Variants in TRIM2 observed in about 807,000 individuals in gnomAD.
TRIM2 encodes tripartite motif containing 2, also known as tripartite motif-containing protein 2.
TRIM2 carries 20 observed loss-of-function variants against 75.2 expected under a neutral mutation model. The ratio of observed to expected loss-of-function variants is 0.27; its 90% CI spans 0.19 to 0.39. The LOEUF is 0.39. TRIM2 is among the 10% of genes least tolerant of loss of function. The pLI, the probability that TRIM2 is intolerant of heterozygous loss-of-function variation, is 1.00. For synonymous variants in TRIM2, 373 were observed against 388.3 expected (o/e 0.96, Z 0.46); for missense variants, 660 against 990.8 (o/e 0.67, Z 4.48).
intron 1 of TRIM2, among the ~76,000 whole-genome samples, chr4:153,266,737 G>A (rs1181568447): frequency 6.7e-6 from 1 of 149,660 alleles, no homozygotes; most frequent in Non-Finnish European, 1.5e-5. Context: ...CTGTTCACCC[G>A]AACTCCCAAA....
At chr4:153,273,559 C>T (rs1350707866) in intron 2 of TRIM2, among the ~76,000 whole-genome samples, 1 of 150,154 alleles carries the variant, frequency 6.7e-6, no homozygotes, top group African/African-American at 2.5e-5. Flanking sequence ...TCCCAGAGTG[C>T]TGGCATTACA....
At chr4:153,256,261 G>A (rs1752043733) in intron 1 of TRIM2, among the ~76,000 whole-genome samples, 1 of 152,196 alleles carries the variant, frequency 6.6e-6, no homozygotes, top group African/African-American at 2.4e-5. Flanking sequence ...CAATTTTGCT[G>A]TATTCTCTGT....
intron 1 of TRIM2, among the ~76,000 whole-genome samples, chr4:153,244,599 T>G (rs1191158187): frequency 6.6e-6 from 1 of 151,586 alleles, no homozygotes; most frequent in Non-Finnish European, 1.5e-5. Flanking sequence ...ATTTGATTCT[T>G]GGAATGGATT....
chr4:153,244,421 T>C (rs141780126), intron 1 of TRIM2, among the ~76,000 whole-genome samples: 4,751 of 88,100 alleles, frequency 0.054, 276 homozygotes, highest in Middle Eastern at 0.075. Flanking sequence ...CTTCTTCTTC[T>C]TCTTCTTCTT....
At chr4:153,223,794 GA>G (rs1462560827) in intron 1 of TRIM2, among the ~76,000 whole-genome samples, 1 of 152,172 alleles carries the variant, frequency 6.6e-6, no homozygotes, top group Non-Finnish European at 1.5e-5. Context: ...TTAATTTATG[GA>G]ACAGAGACAG....
intron 3 of TRIM2, among the ~76,000 whole-genome samples, chr4:153,279,942 CAAAA>C (rs3048123): frequency 5.8e-5 from 6 of 104,172 alleles, no homozygotes; most frequent in Non-Finnish European, 6.3e-5. Flanking sequence ...GACTCTGTCT[CAAAA>C]AAAAAAAAAA....
chr4:153,226,382 G>T (rs886612598), intron 1 of TRIM2, among the ~76,000 whole-genome samples: 1 of 152,208 alleles, frequency 6.6e-6, no homozygotes, highest in Non-Finnish European at 1.5e-5. Flanking sequence ...GTTTAGAAGT[G>T]CTCAAATAGA....
At chr4:153,244,355 CTCTTCTTCTTCTTCTTCT>C (rs1209366783) in intron 1 of TRIM2, among the ~76,000 whole-genome samples, 43 of 12,696 alleles carry the variant, frequency 3.4e-3, no homozygotes, top group East Asian at 0.01. Flanking sequence ...CTTCTTCTTC[CTCTTCTTCTTCTTCTTCT>C]TCTTCTTCTT....
chr4:153,295,184 C>G lies in TRIM2; in HGVS notation c.787-129C>G. 1.5e-6 allele frequency: 2 copies of G among 1,311,132 alleles called. No individual in the cohort carries two copies. The highest frequency in any genetic ancestry group is 3.0e-5 in the African/African-American group (2 of 67,286). 81.2% of individuals were successfully genotyped at this position (1,311,132 alleles called of 1,614,324 possible). A position where few individuals can be genotyped will look rare whatever the true frequency, so the allele number is the denominator to read the frequency against. On this transcript the variant is annotated intron_variant, in intron 5 of 11. Coordinates refer to ENST00000338700, the MANE Select transcript of TRIM2 (RefSeq NM_015271.5). The surrounding 1 kb of genome is among the most constrained non-coding windows in gnomAD (Gnocchi z 7.2). ...GTTAGCACTGGGTTCCCTGGGTTGA[C>G]AAACACCGCTTGCTCAGAGCCACCT... is the stretch of plus-strand genomic sequence containing the variant.
At chr4:153,246,948 A>G (rs1749335808) in intron 1 of TRIM2, among the ~76,000 whole-genome samples, 2 of 152,134 alleles carry the variant, frequency 1.3e-5, no homozygotes, top group South Asian at 2.1e-4. Context: ...AGGCGCATCA[A>G]TGTTTGTTTA....
chr4:153,269,590 C>T (rs1303949059), intron 1 of TRIM2, among the ~76,000 whole-genome samples: 1 of 152,178 alleles, frequency 6.6e-6, no homozygotes, highest in Non-Finnish European at 1.5e-5. Flanking sequence ...CCAACCTCTT[C>T]AACTACGATA....
intron 1 of TRIM2, among the ~76,000 whole-genome samples, chr4:153,178,877 C>A (rs1421335424): frequency 6.6e-6 from 1 of 152,152 alleles, no homozygotes; most frequent in Non-Finnish European, 1.5e-5. Flanking sequence ...AAATTTACTT[C>A]TCTTCAAGTA....
Position 153,336,116 on chromosome 4 carries a change from TTATATA to T in TRIM2, c.*1163_*1168del, listed in dbSNP as rs34423384. 3 of 918,046 alleles carry T rather than the reference TTATATA, an allele frequency of 3.3e-6. No individual in the cohort carries two copies. The highest frequency in any genetic ancestry group is 5.7e-4 in the Middle Eastern group (1 of 1,748). 56.9% of individuals were successfully genotyped at this position (918,046 alleles called of 1,614,324 possible). ...CATGATTAGGGTAAGATAGAATGTATTATATATATATATATATACACACACACATAT... is the reference window on the plus strand; with the variant it reads ...CATGATTAGGGTAAGATAGAATGTATTATATATATATACACACACACATAT... On this transcript the variant is annotated 3_prime_UTR_variant, in exon 12 of 12. Coordinates refer to ENST00000338700, the MANE Select transcript of TRIM2 (RefSeq NM_015271.5).
chr4:153,214,913 C>G (rs1188909746), intron 1 of TRIM2, among the ~76,000 whole-genome samples: 1 of 152,168 alleles, frequency 6.6e-6, no homozygotes, highest in Non-Finnish European at 1.5e-5. Flanking sequence ...AAGCTATTAA[C>G]ATTAGAATGC....
chr4:153,244,438 T>TTCTTCTTCTTCTTCTTCTTCTTCTTC (rs1748512067), intron 1 of TRIM2, among the ~76,000 whole-genome samples: 2 of 74,146 alleles, frequency 2.7e-5, no homozygotes, highest in Admixed American at 1.6e-4. Flanking sequence ...TCTTCTTCTT[T>TTCTTCTTCTTCTTCTTCTTCTTCTTC]TAATTAGAGA....
chr4:153,208,943 C>T (rs1736201276), intron 1 of TRIM2, among the ~76,000 whole-genome samples: 1 of 152,204 alleles, frequency 6.6e-6, no homozygotes, highest in South Asian at 2.1e-4. Flanking sequence ...AGAACCATAT[C>T]CACACACACA....
At chr4:153,262,717 G>A (rs750661736) in intron 1 of TRIM2, among the ~76,000 whole-genome samples, 1 of 152,072 alleles carries the variant, frequency 6.6e-6, no homozygotes, top group Non-Finnish European at 1.5e-5. Context: ...AGCAAGGAGA[G>A]GCTTGTTTCA....
At chr4:153,185,464 A>G (rs11725094) in intron 1 of TRIM2, among the ~76,000 whole-genome samples, 1 of 151,474 alleles carries the variant, frequency 6.6e-6, no homozygotes, top group Non-Finnish European at 1.5e-5. Context: ...AGCCTACTGC[A>G]TGTCTCGGTG....
chr4:153,255,551 A>G (rs990241916), intron 1 of TRIM2, among the ~76,000 whole-genome samples: 1 of 152,094 alleles, frequency 6.6e-6, no homozygotes, highest in African/African-American at 2.4e-5. Context: ...AGGCTTGTAA[A>G]ACTCAGTGGG....
Sources: allele counts gnomAD v4.1 joint callset (sites outside exome capture counted in the v4.1 genomes callset), GRCh38; gene constraint gnomAD v4.1.1; non-coding constraint Gnocchi (gnomAD v3.1); transcripts MANE v1.5; gene names NCBI Gene and HGNC (gene_info 2026-07-23, HGNC 2026-07-21).